The following CSMD1 variants were observed in gnomAD, a reference collection of about 807,000 sequenced individuals.
CSMD1 encodes CUB and sushi domain-containing protein 1.
In CSMD1, 213 loss-of-function variants were observed where a neutral mutation model predicts 417.5. The ratio of observed to expected loss-of-function variants is 0.51; its 90% CI spans 0.46 to 0.57. The LOEUF (loss-of-function observed/expected upper bound fraction) is 0.57. CSMD1 is among the 20% of genes least tolerant of loss of function. The probability of loss-of-function intolerance (pLI) is 0.00; values close to 1 mark genes in which losing one functional copy is unlikely to be tolerated. For missense variants in CSMD1, 6,923 were observed against 4,529.7 expected (o/e 1.53, Z -15.17); for synonymous variants, 2,862 against 1,736.8 (o/e 1.65, Z -16.11).
chr8:3,973,081 A>C (rs2130101012), intron 5 of CSMD1, among the ~76,000 whole-genome samples: 1 of 152,372 alleles, frequency 6.6e-6, no homozygotes, highest in African/African-American at 2.4e-5. Context: ...TTTGTTTTAC[A>C]GAATACCTAA....
intron 2 of CSMD1, among the ~76,000 whole-genome samples, chr8:4,509,616 G>T (rs1039596240): frequency 2.2e-4 from 34 of 152,228 alleles, no homozygotes; most frequent in African/African-American, 7.7e-4. Flanking sequence ...AAGTCACCCT[G>T]CAGACCATTA....
At chr8:4,916,173 T>G (rs1222046940) in intron 1 of CSMD1, among the ~76,000 whole-genome samples, 1 of 152,182 alleles carries the variant, frequency 6.6e-6, no homozygotes, top group African/African-American at 2.4e-5. Context: ...TAAAAGAAAG[T>G]AGAGTCCTCT....
intron 1 of CSMD1, among the ~76,000 whole-genome samples, chr8:4,940,579 G>C (rs971971924): frequency 1.3e-5 from 2 of 152,178 alleles, no homozygotes; most frequent in Non-Finnish European, 2.9e-5. Context: ...GTGAAGTTTA[G>C]AGAGGCAGGT....
Position 3,916,525 on chromosome 8 carries a change from G to A in CSMD1, c.818+81378C>T, listed in dbSNP as rs142975802. Among the ~76,000 whole-genome samples, 194 of 152,186 alleles carry A rather than the reference G, an allele frequency of 1.3e-3. 3 individuals carry two copies. The highest frequency in any genetic ancestry group is 6.8e-3 in the Middle Eastern group (2 of 294). On this transcript the variant is annotated intron_variant, in intron 5 of 69. Coordinates refer to ENST00000635120, the MANE Select transcript of CSMD1 (RefSeq NM_033225.6). ...GAATTAACTTCCTACTTAGGGATAC[G>A]CCTAGGTTGAAACATTTAGTATCCG...
intron 3 of CSMD1, among the ~76,000 whole-genome samples, chr8:4,217,298 C>T (rs183632111): frequency 6.6e-6 from 1 of 152,206 alleles, no homozygotes; most frequent in Non-Finnish European, 1.5e-5. Flanking sequence ...AGTGTCCATG[C>T]AAGCACTGTG....
chr8:3,556,118 C>G (rs1326990382), intron 10 of CSMD1, among the ~76,000 whole-genome samples: 1 of 151,940 alleles, frequency 6.6e-6, no homozygotes, highest in African/African-American at 2.4e-5. Flanking sequence ...CTCACAAAAC[C>G]CAGCAGCACA....
At chr8:3,935,084 A>G (rs1002766437) in intron 5 of CSMD1, among the ~76,000 whole-genome samples, 3 of 152,166 alleles carry the variant, frequency 2.0e-5, no homozygotes, top group African/African-American at 4.8e-5. Flanking sequence ...ATATGCTTAC[A>G]TCTAATACTT....
In CSMD1 at chr8:4,132,726, G is replaced by C. The variant is rs60630756; in HGVS notation, c.416-100627C>G. Among the ~76,000 whole-genome samples, 36 of 152,230 alleles carry C rather than the reference G, an allele frequency of 2.4e-4. No individual in the cohort carries two copies. In the East Asian group the frequency reaches 6.8e-3, roughly 29 times the overall value. ...TCCACGCACTTCCGCTGTCATGTGTGAATCAAAATGTTGCAGAGATAGTGT... is the reference window on the plus strand; with the variant it reads ...TCCACGCACTTCCGCTGTCATGTGTCAATCAAAATGTTGCAGAGATAGTGT... On this transcript the variant is annotated intron_variant, in intron 3 of 69. Coordinates refer to ENST00000635120, the MANE Select transcript of CSMD1 (RefSeq NM_033225.6).
rs528542187 is a variant in CSMD1, at chr8:4,420,044, G to C, written c.324C>G (p.Pro108=). The change falls in exon 3 of 70, where the codon CCC becomes CCG. Residue 108 remains proline, a synonymous_variant. Coordinates refer to ENST00000635120, the MANE Select transcript of CSMD1 (RefSeq NM_033225.6). The part of the protein sequence containing the change: ...LKVRLSGFQL[P]SSIVSTGSIL... ...TAGATCCTGTACTCACTATAGAGGA[G>C]GGCAGCTGAAATCCCGATAATCTAA... The C allele has an allele frequency of 6.4e-7, 1 of 1,572,024 alleles. No individual in the cohort carries two copies. The highest frequency in any genetic ancestry group is 8.6e-7 in the Non-Finnish European group (1 of 1,157,044).
rs1460347953 is a variant in CSMD1 at position 4,868,688 on chromosome 8, T to C, written c.85+125644A>G. Among the ~76,000 whole-genome samples the C allele has an allele frequency of 3.3e-5, 5 of 152,020 alleles. No individual in the cohort carries two copies. In the East Asian group the frequency reaches 7.7e-4, roughly 23 times the overall value. The stretch of plus-strand genomic sequence containing the variant: ...AAGAATAAAAACACAACTAACAGTA[T>C]GGTGTCTTGGTCGAAAGTATTTGAT... On this transcript the variant is annotated intron_variant, in intron 1 of 69. Coordinates refer to ENST00000635120, the MANE Select transcript of CSMD1 (RefSeq NM_033225.6).
rs138297013 is a variant in CSMD1, at chr8:4,207,865, T to C, written c.416-175766A>G. 3.9e-4 allele frequency among the ~76,000 whole-genome samples: 60 copies of C among 152,232 alleles called. No individual in the cohort carries two copies. The East Asian group carries it at 8.1e-3, about 21-fold the overall frequency. On this transcript the variant is annotated intron_variant, in intron 3 of 69. Transcript: ENST00000635120. ...GTGATGTCAGTGATAATTGGTTCCATATAGGTGGAGAAATTAGTCCTCATG... is the reference window on the plus strand; with the variant it reads ...GTGATGTCAGTGATAATTGGTTCCACATAGGTGGAGAAATTAGTCCTCATG...
chr8:3,398,098 C>G (rs1811811658), intron 16 of CSMD1, among the ~76,000 whole-genome samples: 1 of 152,122 alleles, frequency 6.6e-6, no homozygotes, highest in Non-Finnish European at 1.5e-5. Context: ...CAAATATCTT[C>G]CTTCAGGCAA....
intron 5 of CSMD1, among the ~76,000 whole-genome samples, chr8:3,813,297 C>A (rs1466431875): frequency 6.6e-6 from 1 of 151,918 alleles, no homozygotes; most frequent in Admixed American, 6.6e-5. Flanking sequence ...ATTGTATAAC[C>A]TTTAATATCT....
At chr8:3,685,140 G>C (rs1585073165) in intron 7 of CSMD1, among the ~76,000 whole-genome samples, 2 of 152,206 alleles carry the variant, frequency 1.3e-5, no homozygotes, top group East Asian at 1.9e-4. Flanking sequence ...AAAGTGTTTT[G>C]ATGTCATCAT....
At chr8:3,018,389 T>C (rs539748588) in intron 52 of CSMD1, 88 bp downstream of exon 52, 11 of 1,240,698 alleles carry the variant, frequency 8.9e-6, no homozygotes, top group Middle Eastern at 2.0e-4. Context: ...TAAGGCATTA[T>C]AGCAAGAAGT....
At chr8:3,210,454 C>CTG (rs1797537856) in intron 30 of CSMD1, among the ~76,000 whole-genome samples, 1 of 65,662 alleles carries the variant, frequency 1.5e-5, no homozygotes, top group East Asian at 4.6e-4. Flanking sequence ...TATATATGAC[C>CTG]TATATATATA....
At chr8:4,378,936 A>C (rs1802924745) in intron 3 of CSMD1, among the ~76,000 whole-genome samples, 1 of 152,202 alleles carries the variant, frequency 6.6e-6, no homozygotes, top group Admixed American at 6.6e-5. Flanking sequence ...GAATTGTGAT[A>C]AATTCCTATT....
rs183265771 is a variant in CSMD1, at chr8:3,408,361, G to T, written c.1745-136C>A. ...TGATGATCCAACTATTTTAATATAA[G>T]TAATTCTGGACCATAATGTTTTCTC... On this transcript the variant is annotated intron_variant, in intron 13 of 69. Transcript: ENST00000635120. The T allele has an allele frequency of 2.9e-3, 1,882 of 647,256 alleles. 5 individuals are homozygous for T. The highest frequency in any genetic ancestry group is 5.8e-3 in the Admixed American group (196 of 33,822). 40.1% of individuals were successfully genotyped at this position (647,256 alleles called of 1,614,324 possible).
chr8:3,983,314 T>G (rs1354379391), intron 5 of CSMD1, among the ~76,000 whole-genome samples: 1 of 151,942 alleles, frequency 6.6e-6, no homozygotes, highest in Non-Finnish European at 1.5e-5. Flanking sequence ...GTATTTTTAG[T>G]AGAGATGGGG....
Sources: gnomAD v4.1 joint callset for allele counts (sites outside exome capture counted in the v4.1 genomes callset) on GRCh38, gnomAD v4.1.1 for gene constraint, MANE v1.5 for transcripts, NCBI Gene and HGNC (gene_info 2026-07-23, HGNC 2026-07-21) for gene names.